The following SDK1 variants were observed in gnomAD, a reference collection of about 807,000 sequenced individuals.
SDK1 encodes the protein protein sidekick-1.
SDK1 carries 157 observed loss-of-function variants against 245.5 expected under a neutral mutation model. That is an observed-to-expected ratio of 0.64 (90% CI 0.56 to 0.73). The LOEUF (loss-of-function observed/expected upper bound fraction) is 0.73, where lower values mean the gene tolerates loss of function less well. Ranked by LOEUF, SDK1 falls within the 30% of genes least tolerant of loss-of-function variation. SDK1 has a pLI of 0.00. For missense variants in SDK1, 3,583 were observed against 3,002.3 expected (o/e 1.19, Z -4.52); for synonymous variants, 1,647 against 1,278.5 (o/e 1.29, Z -6.15).
intron 5 of SDK1, among the ~76,000 whole-genome samples, chr7:3,922,803 G>C (rs903364599): frequency 1.5e-4 from 23 of 152,288 alleles, no homozygotes; most frequent in Admixed American, 1.5e-3. Context: ...CTTTTTCCAA[G>C]TCGGGGAAGT....
chr7:4,086,046 T>G (rs182671280), intron 22 of SDK1, among the ~76,000 whole-genome samples: 1 of 152,346 alleles, frequency 6.6e-6, no homozygotes, highest in Non-Finnish European at 1.5e-5. Flanking sequence ...TTTTTCCTTT[T>G]TCTTTTTCTT....
At chr7:3,768,570 A>C (rs1246783184) in intron 4 of SDK1, among the ~76,000 whole-genome samples, 5 of 152,160 alleles carry the variant, frequency 3.3e-5, no homozygotes, top group Admixed American at 6.5e-5. Context: ...TTACATTTGG[A>C]ATGTCTTAGA....
intron 1 of SDK1, among the ~76,000 whole-genome samples, chr7:3,585,943 CA>C (rs1270839764): frequency 1.3e-5 from 2 of 152,192 alleles, no homozygotes; most frequent in African/African-American, 4.8e-5. Context: ...AAAGGAGACA[CA>C]GTATGTGGCT....
At chr7:3,974,679 G>A (rs1408742548) in intron 13 of SDK1, 134 bp downstream of exon 13, 2 of 728,436 alleles carry the variant, frequency 2.7e-6, no homozygotes, top group Admixed American at 2.7e-5. Flanking sequence ...AGCGCATCAT[G>A]CTGCATAACT....
At chr7:4,113,588 C>T in intron 24 of SDK1, 149 bp downstream of exon 24, 2 of 901,884 alleles carry the variant, frequency 2.2e-6, no homozygotes, top group East Asian at 2.5e-5. Flanking sequence ...TTGCATTTTA[C>T]AATTAGTGTT....
chr7:3,343,573 C>T (rs1780411711), intron 1 of SDK1, among the ~76,000 whole-genome samples: 1 of 152,068 alleles, frequency 6.6e-6, no homozygotes, highest in Admixed American at 6.6e-5. Context: ...AATACTCTAT[C>T]TTGGCTGTAT....
At position 3,725,747 on chromosome 7, in the gene SDK1, T is replaced by C. The variant is rs368639507; in HGVS notation, c.713+83642T>C. Among the ~76,000 whole-genome samples, 607 of 152,196 alleles carry C rather than the reference T, an allele frequency of 4.0e-3. 3 individuals carry two copies. The highest frequency in any genetic ancestry group is 6.7e-3 in the Non-Finnish European group (453 of 68,022). On this transcript the variant is annotated intron_variant, in intron 4 of 44. Coordinates refer to ENST00000404826, the MANE Select transcript of SDK1 (RefSeq NM_152744.4). ...GCCAAGACCACTGGAGAGAAGAAAA[T>C]TGCTAGTACCAGTGTGGGAGTTGTA...
At chr7:3,461,776 C>T (rs923713972) in intron 1 of SDK1, among the ~76,000 whole-genome samples, 1 of 152,158 alleles carries the variant, frequency 6.6e-6, no homozygotes. Context: ...GACTGACCTG[C>T]ATTTATCTTC....
intron 4 of SDK1, among the ~76,000 whole-genome samples, chr7:3,758,443 A>C (rs1780000525): frequency 6.6e-6 from 1 of 152,196 alleles, no homozygotes. Context: ...TCTGGGTTAT[A>C]ATCTTCTATT....
intron 4 of SDK1, among the ~76,000 whole-genome samples, chr7:3,667,480 A>C (rs1259093330): frequency 6.6e-6 from 1 of 152,120 alleles, no homozygotes; most frequent in Non-Finnish European, 1.5e-5. Flanking sequence ...GATAGAATTC[A>C]CTCTTTTTGA....
At position 3,301,660 on chromosome 7, in the gene SDK1, C is replaced by T. The variant is rs1381399640; in HGVS notation, c.74C>T (p.Pro25Leu). The T allele has an allele frequency of 8.2e-6, 8 of 976,360 alleles. No homozygotes were observed. Among genetic ancestry groups the T allele is most frequent in the East Asian group, 1.2e-4 (1 of 8,472 alleles). 60.5% of individuals were successfully genotyped at this position (976,360 alleles called of 1,614,324 possible). The stretch of plus-strand genomic sequence containing the variant: ...GCGGAGCCCCCTGAGCGCGCGGGCC[C>T]CGGGCGGCCGCGGGGATCCCCGCCC... ...GGAEPPERAGPGRPRGSPPGR... is the reference protein window; with the variant it reads ...GGAEPPERAGLGRPRGSPPGR... The change falls in exon 1 of 45, where the codon CCC becomes CTC. Residue 25 changes from proline (P) to leucine (L), a missense_variant. Transcript: ENST00000404826.
At chr7:3,800,031 G>C (rs997159966) in intron 4 of SDK1, among the ~76,000 whole-genome samples, 1 of 152,134 alleles carries the variant, frequency 6.6e-6, no homozygotes, top group Non-Finnish European at 1.5e-5. Flanking sequence ...TAACCTTCAA[G>C]TATAGGTGAT....
chr7:3,405,166 A>C (rs1050855721), intron 1 of SDK1, among the ~76,000 whole-genome samples: 2 of 137,124 alleles, frequency 1.5e-5, no homozygotes, highest in East Asian at 2.0e-4. Flanking sequence ...AACCAAAAAA[A>C]AAAACAAAAA....
chr7:3,864,821 G>C (rs1044509926), intron 5 of SDK1, among the ~76,000 whole-genome samples: 2 of 152,214 alleles, frequency 1.3e-5, no homozygotes, highest in Non-Finnish European at 2.9e-5. Flanking sequence ...TGAGGGAGCA[G>C]AGAAAGAGGG....
At chr7:3,345,175 A>T (rs1028569752) in intron 1 of SDK1, among the ~76,000 whole-genome samples, 1 of 152,182 alleles carries the variant, frequency 6.6e-6, no homozygotes, top group Non-Finnish European at 1.5e-5. Flanking sequence ...TGCATTTTGG[A>T]TTTGGAGGAT....
intron 1 of SDK1, among the ~76,000 whole-genome samples, chr7:3,507,775 G>A (rs1441834108): frequency 6.6e-6 from 1 of 152,102 alleles, no homozygotes; most frequent in Non-Finnish European, 1.5e-5. Context: ...AATTAGCATT[G>A]GAATATGTGT....
At chr7:4,218,216 C>T (rs1054240990) in intron 38 of SDK1, among the ~76,000 whole-genome samples, 28 of 152,110 alleles carry the variant, frequency 1.8e-4, no homozygotes, top group African/African-American at 6.5e-4. Flanking sequence ...CCAGCCGGGC[C>T]AACATGGTGA....
chr7:4,236,885 C>T (rs752046140), intron 41 of SDK1, among the ~76,000 whole-genome samples: 18 of 152,100 alleles, frequency 1.2e-4, no homozygotes, highest in Non-Finnish European at 1.8e-4. Context: ...CTCACTTTAA[C>T]CCACACAACG....
At chr7:3,464,453 C>T (rs372226409) in intron 1 of SDK1, among the ~76,000 whole-genome samples, 1 of 152,112 alleles carries the variant, frequency 6.6e-6, no homozygotes, top group South Asian at 2.1e-4. Context: ...CCGAAGGGCT[C>T]AAGGCTACAG....
Sources: allele counts gnomAD v4.1 joint callset (sites outside exome capture counted in the v4.1 genomes callset), GRCh38; gene constraint gnomAD v4.1.1; transcripts MANE v1.5; gene names NCBI Gene and HGNC (gene_info 2026-07-23, HGNC 2026-07-21).